Variants in SLC37A1 observed in about 807,000 individuals in gnomAD.
The protein encoded by SLC37A1 is glucose-6-phosphate exchanger SLC37A1.
Under a neutral mutation model 75.3 loss-of-function variants are expected in SLC37A1, and 49 were observed. The observed-to-expected ratio is 0.65, with a 90% CI of 0.52 to 0.83. SLC37A1 has a LOEUF of 0.83. SLC37A1 is among the 40% of genes least tolerant of loss of function. The probability of loss-of-function intolerance (pLI) is 0.00; values close to 1 mark genes in which losing one functional copy is unlikely to be tolerated. For missense variants in SLC37A1, 566 were observed against 695.0 expected (o/e 0.81, Z 2.09); for synonymous variants, 268 against 292.1 (o/e 0.92, Z 0.84).
upstream of SLC37A1, chr21:42,509,426 T>G (rs1330929782): frequency 6.6e-6 from 1 of 152,206 alleles, no homozygotes; most frequent in Non-Finnish European, 1.5e-5. This position sits in a 1 kb window ranked among gnomAD's most constrained non-coding sequence, Gnocchi z 4.2. Context: ...AACAGAGCTT[T>G]CATACGTGAA....
At chr21:42,556,172 G>T (rs1419642013) in intron 10 of SLC37A1, among the ~76,000 whole-genome samples, 1 of 152,230 alleles carries the variant, frequency 6.6e-6, no homozygotes, top group Non-Finnish European at 1.5e-5. Flanking sequence ...ACTTGGCCAC[G>T]TGGCGAGCCC....
chr21:42,517,560 G>C (rs1470316882), intron 1 of SLC37A1, among the ~76,000 whole-genome samples: 1 of 152,242 alleles, frequency 6.6e-6, no homozygotes, highest in Non-Finnish European at 1.5e-5. Context: ...TTTGGAGGAC[G>C]CAGTGACTCA....
rs533624207 is a variant in SLC37A1 at position 42,547,711 on chromosome 21, G to A, written c.768+571G>A. 23 of 154,898 alleles carry A rather than the reference G, an allele frequency of 1.5e-4. No homozygotes were observed. The highest frequency in any genetic ancestry group is 1.2e-3 in the East Asian group (6 of 5,208). The allele number at this position is 154,898 out of a possible 1,614,324, so 9.6% of individuals were successfully genotyped here. On this transcript the variant is annotated intron_variant, in intron 9 of 19. Transcript: ENST00000352133. The surrounding 1 kb of genome is among the most constrained non-coding windows in gnomAD (Gnocchi z 6.1). ...ACCTGGCTAAGGCCAGCCCTCCCGCGGTACCGGTCCCCTCCCTCTCATGGC... is the reference window on the plus strand; with the variant it reads ...ACCTGGCTAAGGCCAGCCCTCCCGCAGTACCGGTCCCCTCCCTCTCATGGC...
intron 8 of SLC37A1, among the ~76,000 whole-genome samples, chr21:42,544,829 C>T (rs1469592906): frequency 1.3e-5 from 2 of 152,198 alleles, no homozygotes; most frequent in Non-Finnish European, 2.9e-5. Context: ...TGTGCCCCTG[C>T]GCTCCAAGTG....
intron 9 of SLC37A1, among the ~76,000 whole-genome samples, chr21:42,551,941 TG>T (rs1230220137): frequency 2.0e-5 from 3 of 152,228 alleles, no homozygotes; most frequent in Middle Eastern, 3.2e-3. Context: ...ACCTTGTACC[TG>T]GGGTGTGTTT....
Position 42,547,343 on chromosome 21 carries a change from A to G in SLC37A1, c.768+203A>G, listed in dbSNP as rs2055435791. On this transcript the variant is annotated intron_variant, in intron 9 of 19. Coordinates refer to ENST00000352133, the MANE Select transcript of SLC37A1 (RefSeq NM_001320537.2). This position sits in a 1 kb window ranked among gnomAD's most constrained non-coding sequence, Gnocchi z 6.1. ...TAACCTTATCAGCAAAACCCAGACA[A>G]GAGGTTCAATGCTGTCCAGATGAAG... The G allele has an allele frequency of 6.7e-6, 4 of 593,848 alleles. No homozygotes were observed. Among genetic ancestry groups the G allele is most frequent in the Non-Finnish European group, 1.2e-5 (4 of 333,648 alleles). The allele number at this position is 593,848 out of a possible 1,614,324, so 36.8% of individuals were successfully genotyped here. A position where few individuals can be genotyped will look rare whatever the true frequency, so the allele number is the denominator to read the frequency against.
At chr21:42,505,672 C>T (rs1182048220) in intron 2 of SLC37A1, among the ~76,000 whole-genome samples, 3 of 152,228 alleles carry the variant, frequency 2.0e-5, no homozygotes, top group Non-Finnish European at 4.4e-5. Flanking sequence ...ACAGCCAAGG[C>T]TACTGGTATG....
chr21:42,563,994 G>C, intron 13 of SLC37A1, 117 bp downstream of exon 13: 1 of 1,198,314 alleles, frequency 8.3e-7, no homozygotes, highest in African/African-American at 1.5e-5. Context: ...CCCTGAGTGG[G>C]CCCAGCCCAA....
chr21:42,579,122 G>C (rs980804762), intron 18 of SLC37A1, among the ~76,000 whole-genome samples: 1 of 152,244 alleles, frequency 6.6e-6, no homozygotes, highest in Non-Finnish European at 1.5e-5. Flanking sequence ...CCTCAAACAT[G>C]TGAAGGGCAC....
At chr21:42,536,148 G>T (rs1421088358) in intron 5 of SLC37A1, among the ~76,000 whole-genome samples, 1 of 152,198 alleles carries the variant, frequency 6.6e-6, no homozygotes. Flanking sequence ...CTGCGTGGTG[G>T]GCAGGGAACT....
chr21:42,515,236 AAG>A (rs1367107177), intron 1 of SLC37A1, among the ~76,000 whole-genome samples: 2 of 152,186 alleles, frequency 1.3e-5, no homozygotes, highest in Non-Finnish European at 2.9e-5. Context: ...AAGCCATAGA[AAG>A]AGCACACTCT....
intron 17 of SLC37A1, among the ~76,000 whole-genome samples, chr21:42,570,124 TTGC>T (rs1251524839): frequency 1.5e-5 from 1 of 65,524 alleles, no homozygotes; most frequent in Non-Finnish European, 4.2e-5. Context: ...AGGGTGGCTG[TTGC>T]CATGTGACAC....
chr21:42,505,463 C>A (rs992176016), intron 2 of SLC37A1, among the ~76,000 whole-genome samples: 1 of 152,202 alleles, frequency 6.6e-6, no homozygotes, highest in Non-Finnish European at 1.5e-5. Flanking sequence ...CAGGCTTTAT[C>A]CCCAACCCTT....
At chr21:42,502,786 G>A (rs987690971) in intron 2 of SLC37A1, 3 of 152,170 alleles carry the variant, frequency 2.0e-5, no homozygotes, top group Non-Finnish European at 2.9e-5. Flanking sequence ...CAACTGGAAC[G>A]TGTTTCCAGG....
intron 18 of SLC37A1, among the ~76,000 whole-genome samples, chr21:42,577,434 A>G (rs534145471): frequency 4.4e-4 from 67 of 152,252 alleles, no homozygotes; most frequent in Non-Finnish European, 8.8e-4. Flanking sequence ...AAGCTTTCTG[A>G]CTCTCAGTTT....
upstream of SLC37A1, among the ~76,000 whole-genome samples, chr21:42,509,985 G>C (rs1487634294): frequency 6.6e-6 from 1 of 152,220 alleles, no homozygotes; most frequent in Admixed American, 6.5e-5. The surrounding 1 kb of genome is among the most constrained non-coding windows in gnomAD (Gnocchi z 4.2). Flanking sequence ...TTCTCTGGGA[G>C]AATGTCTGCT....
rs374741096 is a variant in SLC37A1 at position 42,579,685 on chromosome 21, C to T, written c.1522-51C>T. 4.2e-4 allele frequency: 669 copies of T among 1,607,388 alleles called. 1 individual carries two copies. The African/African-American group carries it at 7.6e-3, about 18-fold the overall frequency. The stretch of plus-strand genomic sequence containing the variant: ...TCCTCATGGTGCCCACGGCGCGGGC[C>T]GCCCTGTGCCTGCTCCAGTAACAGG... On this transcript the variant is annotated intron_variant, in intron 18 of 19. Coordinates refer to ENST00000352133, the MANE Select transcript of SLC37A1 (RefSeq NM_001320537.2).
intron 1 of SLC37A1, among the ~76,000 whole-genome samples, chr21:42,517,951 G>A (rs1427463855): frequency 6.6e-6 from 1 of 152,192 alleles, no homozygotes; most frequent in African/African-American, 2.4e-5. Flanking sequence ...GTGGCTGCTG[G>A]ACACATACTT....
intron 17 of SLC37A1, among the ~76,000 whole-genome samples, chr21:42,571,670 A>C (rs895778340): frequency 2.0e-5 from 3 of 150,372 alleles, no homozygotes; most frequent in Non-Finnish European, 1.5e-5. Context: ...GCTCCCTTCC[A>C]CCCCGACATT....
Sources: allele counts gnomAD v4.1 joint callset (sites outside exome capture counted in the v4.1 genomes callset), GRCh38; gene constraint gnomAD v4.1.1; non-coding constraint Gnocchi (gnomAD v3.1); transcripts MANE v1.5; gene names NCBI Gene and HGNC (gene_info 2026-07-23, HGNC 2026-07-21).